Variants in BRF1 observed in about 807,000 individuals in gnomAD.
BRF1 encodes the protein transcription factor IIIB 90 kDa subunit.
In BRF1, 59 loss-of-function variants were observed where a neutral mutation model predicts 81.7. The ratio of observed to expected loss-of-function variants is 0.72; its 90% CI spans 0.59 to 0.90. The LOEUF is 0.90. Ranked by LOEUF, BRF1 falls within the 40% of genes least tolerant of loss-of-function variation. The pLI is 0.00. For missense variants in BRF1, 1,050 were observed against 936.3 expected (o/e 1.12, Z -1.58); for synonymous variants, 491 against 395.6 (o/e 1.24, Z -2.86).
intron 15 of BRF1, among the ~76,000 whole-genome samples, chr14:105,214,151 C>A (rs1402924966): frequency 1.3e-5 from 2 of 152,232 alleles, no homozygotes; most frequent in African/African-American, 4.8e-5. Context: ...CCCAGCCCAG[C>A]CTGGGGGGAT....
At chr14:105,282,327 G>C (rs1182712766) in intron 2 of BRF1, among the ~76,000 whole-genome samples, 2 of 152,248 alleles carry the variant, frequency 1.3e-5, no homozygotes, top group African/African-American at 4.8e-5. Context: ...AGTCCTCGCA[G>C]AACATGACTG....
At chr14:105,246,837 A>T in intron 5 of BRF1, 2 of 985,466 alleles carry the variant, frequency 2.0e-6, no homozygotes, top group Non-Finnish European at 2.4e-6. Context: ...CATGCTCCAC[A>T]CCACCATGCA....
rs1566877664 is a variant in BRF1 at position 105,299,892 on chromosome 14, A to C, written c.184+554T>G. On this transcript the variant is annotated intron_variant, in intron 1 of 17. Coordinates refer to ENST00000547530, the MANE Select transcript of BRF1 (RefSeq NM_001519.4). ...AATGAAAACGTATGTTCACACAGAGAGCTGCAAATGAATCCTTTTAGCAGC... is the reference window on the plus strand; with the variant it reads ...AATGAAAACGTATGTTCACACAGAGCGCTGCAAATGAATCCTTTTAGCAGC... Among the ~76,000 whole-genome samples, 3 of 152,240 alleles carry C rather than the reference A, an allele frequency of 2.0e-5. No homozygotes were observed. The East Asian group carries it at 5.8e-4, about 29-fold the overall frequency.
chr14:105,229,715 C>T (rs1420027078), intron 6 of BRF1, among the ~76,000 whole-genome samples: 3 of 105,624 alleles, frequency 2.8e-5, no homozygotes, highest in East Asian at 2.8e-4. Context: ...AGAGGCCACA[C>T]CACTGTCCGC....
At chr14:105,288,650 T>C (rs1226191648) in intron 1 of BRF1, among the ~76,000 whole-genome samples, 1 of 148,464 alleles carries the variant, frequency 6.7e-6, no homozygotes, top group Non-Finnish European at 1.5e-5. Context: ...TTTTTTTTTT[T>C]TGAAACAGAG....
intron 11 of BRF1, 112 bp downstream of exon 11, chr14:105,221,536 C>G: frequency 6.9e-7 from 1 of 1,445,076 alleles, no homozygotes; most frequent in South Asian, 1.4e-5. Context: ...CCGCCCGAGA[C>G]CACCACACCT....
chr14:105,223,281 C>T (rs1228028296), intron 10 of BRF1, among the ~76,000 whole-genome samples: 1 of 152,204 alleles, frequency 6.6e-6, no homozygotes, highest in Non-Finnish European at 1.5e-5. Flanking sequence ...AATCAACGTC[C>T]ACACAAGGAC....
intron 1 of BRF1, 139 bp downstream of exon 1, chr14:105,300,307 T>C: frequency 1.0e-6 from 1 of 983,062 alleles, no homozygotes; most frequent in Non-Finnish European, 1.4e-6. Context: ...GGATCCACAC[T>C]CGCGCCCAGA....
chr14:105,245,598 GACAGC>G (rs2055038027), intron 5 of BRF1, among the ~76,000 whole-genome samples: 1 of 145,900 alleles, frequency 6.9e-6, no homozygotes, highest in African/African-American at 2.5e-5. Flanking sequence ...GACAGGACAG[GACAGC>G]ACAGGGCCAG....
intron 4 of BRF1, among the ~76,000 whole-genome samples, chr14:105,252,844 T>C (rs2245329): frequency 0.26 from 39,045 of 152,072 alleles, 5,248 homozygotes; most frequent in South Asian, 0.29. Flanking sequence ...ACTGCAAGGT[T>C]CCTCCCAGGG....
chr14:105,295,769 G>A (rs2057712335), intron 1 of BRF1, among the ~76,000 whole-genome samples: 1 of 150,704 alleles, frequency 6.6e-6, no homozygotes, highest in Non-Finnish European at 1.5e-5. Flanking sequence ...GGGCAACAGT[G>A]AGACTTTGTC....
intron 5 of BRF1, 137 bp from the exon 6 acceptor site, chr14:105,241,551 G>T: frequency 8.8e-7 from 1 of 1,139,078 alleles, no homozygotes; most frequent in South Asian, 1.5e-5. Flanking sequence ...CCCCTCCCCT[G>T]GACAAAGCCT....
At chr14:105,243,118 AAAACAAACAAAC>A (rs982064059) in intron 5 of BRF1, among the ~76,000 whole-genome samples, 1 of 149,536 alleles carries the variant, frequency 6.7e-6, no homozygotes, top group East Asian at 2.0e-4. Context: ...TCTGTCTCAA[AAAACAAACAAAC>A]AAACAAACAA....
Position 105,272,877 on chromosome 14 carries a change from G to A in BRF1, c.283C>T (p.His95Tyr), listed in dbSNP as rs1729297936. 1.9e-6 allele frequency: 3 copies of A among 1,612,752 alleles called. No individual in the cohort carries two copies. In the South Asian group the frequency reaches 3.3e-5, roughly 18 times the overall value. Residue 95 changes from histidine to tyrosine, a missense_variant, in exon 3 of 18, where the codon CAC becomes TAC. This residue lies in a region of BRF1 where 1,043 missense variants were observed against 915.4 expected (regional missense o/e 1.14). Coordinates refer to ENST00000547530, the MANE Select transcript of BRF1 (RefSeq NM_001519.4). ...TTCAGCTGCAGCTGGTTCCCCAGGT[G>A]GTGGATGTGGCGCCTCCCTAGGACA... Reference protein sequence around the residue: ...TLQNGRRHIHHLGNQLQLNQH... With the variant: ...TLQNGRRHIHYLGNQLQLNQH...
At chr14:105,245,680 G>A (rs950638539) in intron 5 of BRF1, among the ~76,000 whole-genome samples, 28 of 152,240 alleles carry the variant, frequency 1.8e-4, no homozygotes, top group African/African-American at 6.0e-4. Flanking sequence ...ATGGGGAAAG[G>A]ATGGTCTCTT....
chr14:105,211,115 C>T lies in BRF1; in HGVS notation c.1996+7G>A, dbSNP rs1397428026. 3.7e-6 allele frequency: 6 copies of T among 1,612,122 alleles called. No homozygotes were observed. The highest frequency in any genetic ancestry group is 2.7e-5 in the African/African-American group (2 of 74,912). On this transcript the variant is annotated splice_region_variant and intron_variant, in intron 17 of 17. Coordinates refer to ENST00000547530, the MANE Select transcript of BRF1 (RefSeq NM_001519.4). The stretch of plus-strand genomic sequence containing the variant: ...TGAACCCCTCCCTGTTGTCGGGCCC[C>T]ACCCACCGTTGCTGCCCATCATCTG...
chr14:105,303,090 A>C (rs1162884397), upstream of BRF1, among the ~76,000 whole-genome samples: 1 of 151,996 alleles, frequency 6.6e-6, no homozygotes, highest in Non-Finnish European at 1.5e-5. Flanking sequence ...CACCACGCCC[A>C]GCTAATTTTT....
chr14:105,220,846 G>A (rs1351286783), intron 11 of BRF1, among the ~76,000 whole-genome samples: 1 of 152,178 alleles, frequency 6.6e-6, no homozygotes, highest in Non-Finnish European at 1.5e-5. Context: ...GCACTCACAG[G>A]CAGCCCTTCC....
intron 5 of BRF1, chr14:105,248,596 C>T (rs932135045): frequency 3.2e-6 from 3 of 948,286 alleles, no homozygotes; most frequent in East Asian, 1.2e-4. Flanking sequence ...CGGGACGGCG[C>T]CCCCCGCGGC....
Sources: gnomAD v4.1 joint callset for allele counts (sites outside exome capture counted in the v4.1 genomes callset) on GRCh38, gnomAD v4.1.1 for gene constraint, gnomAD v4.1.1 regional missense constraint, MANE v1.5 for transcripts, NCBI Gene and HGNC (gene_info 2026-07-23, HGNC 2026-07-21) for gene names.